Variants in CEP128 observed in about 807,000 individuals in gnomAD.
CEP128 encodes the protein centrosomal protein 128kDa.
A neutral mutation model predicts 156.7 loss-of-function variants in CEP128; 132 were observed. The observed-to-expected ratio is 0.84, with a 90% CI of 0.73 to 0.97. The LOEUF is 0.97. Ranked by LOEUF, CEP128 falls within the 50% of genes least tolerant of loss-of-function variation. CEP128 has a pLI of 0.00. For missense variants in CEP128, 1,252 were observed against 1,281.9 expected, an observed-to-expected ratio of 0.98 and a Z score of 0.36; for synonymous variants, 469 against 448.9, an observed-to-expected ratio of 1.04 and a Z score of -0.57.
intron 19 of CEP128, among the ~76,000 whole-genome samples, chr14:80,726,146 C>A (rs982226194): frequency 2.6e-5 from 4 of 152,168 alleles, no homozygotes; most frequent in Non-Finnish European, 5.9e-5. Flanking sequence ...TGTCTGATGA[C>A]CATGACAGCC....
intron 8 of CEP128, among the ~76,000 whole-genome samples, chr14:80,893,680 G>A (rs1308967033): frequency 6.6e-6 from 1 of 151,862 alleles, no homozygotes; most frequent in Non-Finnish European, 1.5e-5. Context: ...GAGTTTTAGG[G>A]GCAAGGAAAG....
intron 20 of CEP128, among the ~76,000 whole-genome samples, chr14:80,575,542 T>G (rs906709168): frequency 6.6e-6 from 1 of 152,104 alleles, no homozygotes; most frequent in African/African-American, 2.4e-5. Context: ...GGGTAGAAGG[T>G]GGCGGAAGAG....
intron 19 of CEP128, among the ~76,000 whole-genome samples, chr14:80,697,908 T>C (rs2139343933): frequency 6.6e-6 from 1 of 152,086 alleles, no homozygotes; most frequent in African/African-American, 2.4e-5. Flanking sequence ...CACACATATA[T>C]ATAGATACAT....
At chr14:80,715,511 T>C (rs923167586) in intron 19 of CEP128, among the ~76,000 whole-genome samples, 10 of 152,108 alleles carry the variant, frequency 6.6e-5, no homozygotes, top group African/African-American at 2.4e-4. Context: ...TGAAGAAGTA[T>C]GAAAATGTGA....
At chr14:80,530,787 A>T in intron 22 of CEP128, 22 bp downstream of exon 22, 1 of 1,551,918 alleles carries the variant, frequency 6.4e-7, no homozygotes, top group Non-Finnish European at 8.8e-7. Context: ...ATACTGAAAG[A>T]GACAAGCCAA....
At chr14:80,647,983 C>T (rs945945157) in intron 19 of CEP128, among the ~76,000 whole-genome samples, 1 of 152,044 alleles carries the variant, frequency 6.6e-6, no homozygotes, top group Non-Finnish European at 1.5e-5. Flanking sequence ...AACTTAATTC[C>T]AAGGTTCTTC....
At chr14:80,750,232 G>A (rs17111059) in intron 18 of CEP128, among the ~76,000 whole-genome samples, 10,009 of 152,064 alleles carry the variant, frequency 0.066, 1,109 homozygotes, top group African/African-American at 0.23. Context: ...GAAAATTAAC[G>A]GTGCAAGCAT....
chr14:80,792,953 T>C lies in CEP128; in HGVS notation c.1367A>G (p.Lys456Arg). 1 of 1,614,206 alleles carries C rather than the reference T, an allele frequency of 6.2e-7. No individual in the cohort carries two copies. Among genetic ancestry groups the C allele is most frequent in the Non-Finnish European group, 8.5e-7 (1 of 1,180,036 alleles). The change falls in exon 14 of 25, where the codon AAG becomes AGG. Residue 456 changes from lysine to arginine, a missense_variant. Coordinates refer to ENST00000555265, the MANE Select transcript of CEP128 (RefSeq NM_152446.5). Reference protein sequence around the residue: ...ELTRHAEDATKQAERYLSELQ... With the variant: ...ELTRHAEDATRQAERYLSELQ... Reference sequence around the variant, plus strand: ...CTCACTGAGGTACCGCTCAGCCTGCTTGGTTGCATCCTCCGCATGGCGAGT... The same window carrying C: ...CTCACTGAGGTACCGCTCAGCCTGCCTGGTTGCATCCTCCGCATGGCGAGT...
intron 20 of CEP128, among the ~76,000 whole-genome samples, chr14:80,566,617 T>C (rs1443256466): frequency 1.3e-5 from 2 of 152,218 alleles, no homozygotes; most frequent in African/African-American, 2.4e-5. Context: ...CTGTGATTTA[T>C]ATATAAAATT....
Position 80,530,818 on chromosome 14 carries a change from T to C in CEP128, c.2949A>G (p.Lys983=), listed in dbSNP as rs1220777593. The part of the protein sequence containing the change: ...PEKLSLLEDF[K]DFRDSCSSSE... Reference sequence around the variant, plus strand: ...GCCAACTCTTTCTCACTCTGAAGTCTTTGAAATCTTCTAGTAGGCTCAGTT... The same window carrying C: ...GCCAACTCTTTCTCACTCTGAAGTCCTTGAAATCTTCTAGTAGGCTCAGTT... Residue 983 remains lysine (K), a synonymous_variant, in exon 22 of 25, where the codon AAA becomes AAG. Coordinates refer to ENST00000555265, the MANE Select transcript of CEP128 (RefSeq NM_152446.5). 7 of 1,603,624 alleles carry C rather than the reference T, an allele frequency of 4.4e-6. No homozygotes were observed. In the East Asian group the frequency reaches 6.7e-5, roughly 15 times the overall value.
chr14:80,538,962 T>C (rs1889613306), intron 21 of CEP128, among the ~76,000 whole-genome samples: 1 of 152,222 alleles, frequency 6.6e-6, no homozygotes, highest in Admixed American at 6.5e-5. Context: ...ATAAGCATCA[T>C]GAGAGTAGGG....
intron 12 of CEP128, among the ~76,000 whole-genome samples, chr14:80,832,226 C>G (rs1218991954): frequency 6.6e-6 from 1 of 152,098 alleles, no homozygotes; most frequent in Non-Finnish European, 1.5e-5. Context: ...TATAAATTAC[C>G]CAGTCTCAAG....
rs1808750980 is a variant in CEP128, at chr14:80,528,017, A to G, written c.2959-1035T>C. 2.0e-5 allele frequency among the ~76,000 whole-genome samples: 3 copies of G among 152,302 alleles called. No individual in the cohort carries two copies. The South Asian group carries it at 6.2e-4, about 32-fold the overall frequency. Reference sequence around the variant, plus strand: ...CAACTGATTTTGGTATGTAAAAAAAAACACGTACGGATTTAGTGTCCCTCA... The same window carrying G: ...CAACTGATTTTGGTATGTAAAAAAAGACACGTACGGATTTAGTGTCCCTCA... On this transcript the variant is annotated intron_variant, in intron 22 of 24. Coordinates refer to ENST00000555265, the MANE Select transcript of CEP128 (RefSeq NM_152446.5).
chr14:80,815,540 G>T (rs1226619744), intron 13 of CEP128, among the ~76,000 whole-genome samples: 1 of 152,122 alleles, frequency 6.6e-6, no homozygotes, highest in Non-Finnish European at 1.5e-5. Context: ...TAGAACTACT[G>T]TTCAAGCCAG....
At chr14:80,540,197 A>AC (rs35857257) in intron 21 of CEP128, among the ~76,000 whole-genome samples, 24,245 of 123,450 alleles carry the variant, frequency 0.2, 2,518 homozygotes, top group Middle Eastern at 0.22. Context: ...CTGTTCTTAC[A>AC]CCCCCCCCCC....
At chr14:80,613,473 T>TTA (rs1028707430) in intron 19 of CEP128, among the ~76,000 whole-genome samples, 1 of 151,096 alleles carries the variant, frequency 6.6e-6, no homozygotes, top group Admixed American at 6.6e-5. Context: ...TGGCTAATTT[T>TTA]TTTTTTTTTG....
intron 21 of CEP128, among the ~76,000 whole-genome samples, chr14:80,533,839 A>G (rs1202044572): frequency 6.6e-6 from 1 of 152,142 alleles, no homozygotes; most frequent in Non-Finnish European, 1.5e-5. Context: ...ATTCTAGTCA[A>G]TTAACAACAA....
intron 23 of CEP128, among the ~76,000 whole-genome samples, chr14:80,519,106 C>T (rs569893237): frequency 1.1e-4 from 16 of 152,162 alleles, no homozygotes; most frequent in African/African-American, 3.4e-4. Context: ...TCTAATAATC[C>T]CAGCTTTTGC....
intron 19 of CEP128, among the ~76,000 whole-genome samples, chr14:80,735,222 A>G (rs1898472901): frequency 6.6e-6 from 1 of 152,204 alleles, no homozygotes; most frequent in Non-Finnish European, 1.5e-5. Context: ...TGAAAATATG[A>G]CTACGTAATA....
Sources: allele counts gnomAD v4.1 joint callset (sites outside exome capture counted in the v4.1 genomes callset), GRCh38; gene constraint gnomAD v4.1.1; transcripts MANE v1.5; gene names NCBI Gene and HGNC (gene_info 2026-07-23, HGNC 2026-07-21).